PCDH15: variants seen among roughly 807,000 people sequenced by gnomAD.
PCDH15 encodes the protein protocadherin related 15.
In PCDH15, 129 loss-of-function variants were observed where a neutral mutation model predicts 178.5. That is an observed-to-expected ratio of 0.72 (90% confidence interval 0.63 to 0.84). PCDH15 has a LOEUF of 0.84. Among genes scored for constraint, PCDH15 ranks in the 40% least tolerant of loss-of-function variants. The pLI is 0.00. For synonymous variants in PCDH15, 800 were observed against 732.0 expected, an observed-to-expected ratio of 1.09 and a Z score of -1.50; for missense variants, 2,230 against 2,099.9, an observed-to-expected ratio of 1.06 and a Z score of -1.21.
At chr10:54,090,112 C>A (rs1193455319) in intron 15 of PCDH15, 49 bp from the exon 16 acceptor site, 4 of 1,342,276 alleles carry the variant, frequency 3.0e-6, no homozygotes, top group Admixed American at 3.4e-5. Context: ...ATATGGCGCC[C>A]ACTCATTACA....
chr10:54,782,372 T>A (rs916149836), intron 1 of PCDH15, among the ~76,000 whole-genome samples: 19 of 152,142 alleles, frequency 1.2e-4, no homozygotes, highest in African/African-American at 4.3e-4. Flanking sequence ...ATAATGCCTA[T>A]GTAAGTGTTG....
intron 1 of PCDH15, among the ~76,000 whole-genome samples, chr10:54,702,488 A>C (rs971325417): frequency 1.3e-5 from 2 of 151,444 alleles, no homozygotes; most frequent in Non-Finnish European, 3.0e-5. Context: ...TAAAGGTCTG[A>C]ATATCCACAA....
chr10:55,289,132 G>A (rs1842947451), intron 1 of PCDH15, among the ~76,000 whole-genome samples: 1 of 151,916 alleles, frequency 6.6e-6, no homozygotes, highest in Non-Finnish European at 1.5e-5. Context: ...GTCTATCATT[G>A]TATTCTTTTC....
At chr10:53,942,727 GAGCCTCAGATGAGACCGT>G (rs1397747300) in intron 23 of PCDH15, among the ~76,000 whole-genome samples, 68 of 152,276 alleles carry the variant, frequency 4.5e-4, no homozygotes, top group Admixed American at 3.9e-3. Flanking sequence ...TTCTGCAGTT[GAGCCTCAGATGAGACCGT>G]AGCCCTGGAT....
intron 2 of PCDH15, among the ~76,000 whole-genome samples, chr10:55,537,874 CAT>C (rs1302205888): frequency 6.6e-6 from 1 of 152,164 alleles, no homozygotes; most frequent in Non-Finnish European, 1.5e-5. Flanking sequence ...GAAGATATCA[CAT>C]ATTTGTTTTT....
intron 3 of PCDH15, among the ~76,000 whole-genome samples, chr10:54,396,782 ATACT>A (rs1479519880): frequency 1.3e-5 from 2 of 151,818 alleles, no homozygotes; most frequent in Non-Finnish European, 2.9e-5. Flanking sequence ...GCATCAGGAA[ATACT>A]TAGGCATAAT....
intron 2 of PCDH15, among the ~76,000 whole-genome samples, chr10:55,516,761 T>C (rs1489871899): frequency 6.6e-6 from 1 of 152,144 alleles, no homozygotes; most frequent in African/African-American, 2.4e-5. Context: ...TTTAGTGCTT[T>C]GTGACTGCAA....
At chr10:54,263,973 A>T (rs1343319672) in intron 8 of PCDH15, among the ~76,000 whole-genome samples, 1 of 152,132 alleles carries the variant, frequency 6.6e-6, no homozygotes, top group African/African-American at 2.4e-5. Context: ...CCTGGCTTTC[A>T]TCTTTATCCC....
At chr10:54,671,707 G>A (rs2094676596) in intron 1 of PCDH15, among the ~76,000 whole-genome samples, 1 of 152,110 alleles carries the variant, frequency 6.6e-6, no homozygotes, top group African/African-American at 2.4e-5. Flanking sequence ...AAGATGCAGT[G>A]GCTACAGCTT....
chr10:53,823,882 C>CAAGG (rs2076489369), intron 32 of PCDH15: 1 of 430,584 alleles, frequency 2.3e-6, no homozygotes, highest in African/African-American at 2.0e-5. Flanking sequence ...TTAAAATCAC[C>CAAGG]AAGGACAGAT....
intron 2 of PCDH15, among the ~76,000 whole-genome samples, chr10:54,593,355 T>C (rs1281513943): frequency 6.6e-6 from 1 of 152,208 alleles, no homozygotes; most frequent in Non-Finnish European, 1.5e-5. Flanking sequence ...TTTATTTTTG[T>C]ATGTGGTAAG....
At chr10:55,596,406 G>A (rs1297232211) in intron 2 of PCDH15, among the ~76,000 whole-genome samples, 1 of 151,986 alleles carries the variant, frequency 6.6e-6, no homozygotes, top group East Asian at 1.9e-4. Flanking sequence ...TAGAAAAATT[G>A]TAAAGTATTT....
At chr10:55,063,165 C>T (rs571055839) in intron 2 of PCDH15, among the ~76,000 whole-genome samples, 143 of 152,116 alleles carry the variant, frequency 9.4e-4, no homozygotes, top group African/African-American at 3.0e-3. Context: ...ATTTACTATG[C>T]CTCTATTTTT....
At chr10:54,967,830 C>T (rs1007968495) in intron 2 of PCDH15, among the ~76,000 whole-genome samples, 11 of 152,148 alleles carry the variant, frequency 7.2e-5, no homozygotes, top group Non-Finnish European at 1.6e-4. Context: ...GGCCTATTTC[C>T]TCAACTTGGG....
Position 53,857,270 on chromosome 10 carries a change from G to A in PCDH15, c.3718-7C>T. 1 of 1,603,894 alleles carries A rather than the reference G, an allele frequency of 6.2e-7. No homozygotes were observed. Among genetic ancestry groups the A allele is most frequent in the East Asian group, 2.2e-5 (1 of 44,752 alleles). On this transcript the variant is annotated splice_region_variant and splice_polypyrimidine_tract_variant and intron_variant, in intron 27 of 37. Coordinates refer to ENST00000644397, the MANE Select transcript of PCDH15 (RefSeq NM_001384140.1). ...GCTGATTGACCACGGAGACCTGAAA[G>A]AAGAAAAAACAGAATTCATTTAATT...
chr10:53,859,599 A>G (rs1391237023), intron 27 of PCDH15, among the ~76,000 whole-genome samples: 1 of 152,030 alleles, frequency 6.6e-6, no homozygotes, highest in Non-Finnish European at 1.5e-5. Context: ...CATCCTGCCC[A>G]GGCCTTCAAA....
chr10:54,850,723 G>T (rs1038648726), intron 3 of PCDH15, among the ~76,000 whole-genome samples: 1 of 149,298 alleles, frequency 6.7e-6, no homozygotes, highest in Admixed American at 6.6e-5. Flanking sequence ...CAAAGTTTTG[G>T]TTATTATTGC....
intron 2 of PCDH15, among the ~76,000 whole-genome samples, chr10:54,582,420 T>A (rs1287850601): frequency 6.6e-6 from 1 of 152,110 alleles, no homozygotes; most frequent in Admixed American, 6.6e-5. Context: ...TAACACCAGA[T>A]GTAAAATGAA....
intron 3 of PCDH15, chr10:54,897,441 A>G (rs956088729): frequency 3.3e-5 from 5 of 152,384 alleles, no homozygotes; most frequent in Admixed American, 1.3e-4. Flanking sequence ...TAAATAAAAC[A>G]TAACATACCT....
Sources: gnomAD v4.1 joint callset for allele counts (sites outside exome capture counted in the v4.1 genomes callset) on GRCh38, gnomAD v4.1.1 for gene constraint, MANE v1.5 for transcripts, NCBI Gene and HGNC (gene_info 2026-07-23, HGNC 2026-07-21) for gene names.